The following PPFIBP1 variants were observed in gnomAD, a reference collection of about 807,000 sequenced individuals.
PPFIBP1 encodes the protein liprin-beta-1.
A neutral mutation model predicts 137.8 loss-of-function variants in PPFIBP1; 112 were observed. The ratio of observed to expected loss-of-function variants is 0.81; its 90% CI spans 0.70 to 0.95. The LOEUF is 0.95. Among genes scored for constraint, PPFIBP1 ranks in the 40% least tolerant of loss-of-function variants. The probability of loss-of-function intolerance (pLI) is 0.00; values close to 1 mark genes in which losing one functional copy is unlikely to be tolerated. For synonymous variants in PPFIBP1, 378 were observed against 417.3 expected, an observed-to-expected ratio of 0.91 and a Z score of 1.15; for missense variants, 1,083 against 1,196.6, an observed-to-expected ratio of 0.91 and a Z score of 1.40.
chr12:27,626,327 T>C (rs1436153824), intron 2 of PPFIBP1, among the ~76,000 whole-genome samples: 2 of 152,190 alleles, frequency 1.3e-5, no homozygotes, highest in Admixed American at 1.3e-4. Flanking sequence ...TATTTTTGGA[T>C]GTAAAGTAAG....
chr12:27,692,065 A>G lies in PPFIBP1; in HGVS notation c.2865+137A>G. ...ACAGATAATAATAGTGAACACTTAGAGATCACTTATATCTTCCAGGTACCA... is the reference window on the plus strand; with the variant it reads ...ACAGATAATAATAGTGAACACTTAGGGATCACTTATATCTTCCAGGTACCA... On this transcript the variant is annotated intron_variant, in intron 28 of 29. Transcript: ENST00000228425. 4.2e-6 allele frequency: 3 copies of G among 717,596 alleles called. 1 individual carries two copies. The South Asian group carries it at 7.8e-5, about 19-fold the overall frequency. 44.5% of individuals were successfully genotyped at this position (717,596 alleles called of 1,614,324 possible).
chr12:27,579,226 A>G (rs2050845996), intron 2 of PPFIBP1, among the ~76,000 whole-genome samples: 1 of 152,244 alleles, frequency 6.6e-6, no homozygotes, highest in Non-Finnish European at 1.5e-5. Context: ...TCTAAGGTCC[A>G]TGGGAAACAG....
intron 4 of PPFIBP1, among the ~76,000 whole-genome samples, chr12:27,644,925 T>TA (rs2058369442): frequency 6.6e-6 from 1 of 151,214 alleles, no homozygotes; most frequent in African/African-American, 2.4e-5. Context: ...GTTTTTTTTC[T>TA]TCCCCCTTCC....
At chr12:27,524,596 G>A (rs1334880536) in intron 1 of PPFIBP1, among the ~76,000 whole-genome samples, 1 of 151,972 alleles carries the variant, frequency 6.6e-6, no homozygotes, top group African/African-American at 2.4e-5. Context: ...AGGATTGGAC[G>A]TTTAGGTCTT....
intron 1 of PPFIBP1, among the ~76,000 whole-genome samples, chr12:27,541,936 C>T (rs1276176206): frequency 6.6e-6 from 1 of 151,964 alleles, no homozygotes; most frequent in Admixed American, 6.6e-5. Flanking sequence ...GAGGGTGGCA[C>T]CAACTGTTTT....
chr12:27,681,844 T>A, intron 22 of PPFIBP1, 148 bp downstream of exon 22: 1 of 830,796 alleles, frequency 1.2e-6, no homozygotes, highest in Non-Finnish European at 1.8e-6. Flanking sequence ...GCTTCATGCT[T>A]CTTTTTTCTG....
chr12:27,647,149 A>T (rs541622947), intron 5 of PPFIBP1, among the ~76,000 whole-genome samples: 1 of 152,092 alleles, frequency 6.6e-6, no homozygotes, highest in Non-Finnish European at 1.5e-5. Context: ...TTACAGGCAC[A>T]TGCCCCCACA....
intron 4 of PPFIBP1, among the ~76,000 whole-genome samples, chr12:27,645,799 T>G (rs924995830): frequency 6.6e-6 from 1 of 152,192 alleles, no homozygotes; most frequent in African/African-American, 2.4e-5. Flanking sequence ...AATACCAGTA[T>G]CCACTGTTCC....
chr12:27,525,312 T>A lies in PPFIBP1; in HGVS notation c.-124+947T>A, dbSNP rs80329528. 2.7e-3 allele frequency among the ~76,000 whole-genome samples: 410 copies of A among 152,204 alleles called. 3 individuals carry two copies. Among genetic ancestry groups the A allele is most frequent in the African/African-American group, 9.2e-3 (383 of 41,530 alleles). ...AGCAATTGCGGGAGGAAAAAGATAC[T>A]TTTAAGAAGTGAAAGAATAGAATTC... is the stretch of plus-strand genomic sequence containing the variant. On this transcript the variant is annotated intron_variant, in intron 1 of 29. Coordinates refer to ENST00000228425, the MANE Select transcript of PPFIBP1 (RefSeq NM_003622.4).
chr12:27,553,417 G>T (rs1946979226), intron 1 of PPFIBP1, among the ~76,000 whole-genome samples: 1 of 152,182 alleles, frequency 6.6e-6, no homozygotes, highest in Admixed American at 6.5e-5. Flanking sequence ...CCCCGCAGGA[G>T]CCAAGAGTGC....
intron 1 of PPFIBP1, among the ~76,000 whole-genome samples, chr12:27,529,701 A>G (rs1944194177): frequency 6.6e-6 from 1 of 152,174 alleles, no homozygotes; most frequent in Non-Finnish European, 1.5e-5. Context: ...CTAAAATAAT[A>G]ATAATAGTAA....
At chr12:27,671,410 T>C (rs751081189) in intron 13 of PPFIBP1, 21 bp from the exon 14 acceptor site, 33 of 1,360,268 alleles carry the variant, frequency 2.4e-5, no homozygotes, top group African/African-American at 7.4e-5. Context: ...GATTGATTGA[T>C]TTTTTGTAAT....
chr12:27,561,938 T>C (rs982678833), intron 1 of PPFIBP1, among the ~76,000 whole-genome samples: 24 of 151,966 alleles, frequency 1.6e-4, no homozygotes, highest in African/African-American at 5.8e-4. Context: ...TAGTCTCAGC[T>C]ACTTGGGAGA....
intron 2 of PPFIBP1, among the ~76,000 whole-genome samples, chr12:27,589,740 A>G (rs570488617): frequency 4.6e-5 from 7 of 152,364 alleles, no homozygotes; most frequent in South Asian, 4.1e-4. Flanking sequence ...AGTTCGTCCT[A>G]GAGCTTAATT....
intron 24 of PPFIBP1, among the ~76,000 whole-genome samples, chr12:27,686,857 G>A (rs532154132): frequency 1.3e-5 from 2 of 150,824 alleles, no homozygotes; most frequent in East Asian, 3.9e-4. Context: ...GCAGTATAGT[G>A]AGATCCTATC....
chr12:27,584,040 G>T (rs570864755), intron 2 of PPFIBP1: 1 of 152,372 alleles, frequency 6.6e-6, no homozygotes, highest in African/African-American at 2.4e-5. Context: ...GGGAAATGCA[G>T]AGGGAGGGTC....
intron 2 of PPFIBP1, among the ~76,000 whole-genome samples, chr12:27,603,652 A>G (rs949437201): frequency 1.3e-5 from 2 of 152,158 alleles, no homozygotes; most frequent in South Asian, 2.1e-4. Context: ...TCTGGCCATC[A>G]TGGTTAGGGA....
intron 1 of PPFIBP1, among the ~76,000 whole-genome samples, chr12:27,575,075 AGCAGGCT>A: frequency 6.6e-6 from 1 of 152,250 alleles, no homozygotes; most frequent in East Asian, 1.9e-4. Context: ...CTACTGAAGT[AGCAGGCT>A]TTTTAGACCA....
chr12:27,662,321 T>C (rs2059603031), intron 11 of PPFIBP1, among the ~76,000 whole-genome samples: 1 of 152,228 alleles, frequency 6.6e-6, no homozygotes, highest in Admixed American at 6.5e-5. Flanking sequence ...ACCACAGAGC[T>C]AAGTCAGTGG....
Sources: allele counts gnomAD v4.1 joint callset (sites outside exome capture counted in the v4.1 genomes callset), GRCh38; gene constraint gnomAD v4.1.1; transcripts MANE v1.5; gene names NCBI Gene and HGNC (gene_info 2026-07-23, HGNC 2026-07-21).